Variants in SNTG1 observed in about 807,000 individuals in gnomAD.
The protein encoded by SNTG1 is gamma-1-syntrophin.
SNTG1 carries 39 observed loss-of-function variants against 74.7 expected under a neutral mutation model. That is an observed-to-expected ratio of 0.52 (90% confidence interval 0.40 to 0.68). The LOEUF (loss-of-function observed/expected upper bound fraction) is 0.68, where lower values mean the gene tolerates loss of function less well. SNTG1 is among the 30% of genes least tolerant of loss of function. The probability of loss-of-function intolerance (pLI) is 0.00; values close to 1 mark genes in which losing one functional copy is unlikely to be tolerated. For synonymous variants in SNTG1, 254 were observed against 217.1 expected (o/e 1.17, Z -1.49); for missense variants, 685 against 609.5 (o/e 1.12, Z -1.30).
At chr8:50,453,149 A>G (rs552953234) in intron 8 of SNTG1, among the ~76,000 whole-genome samples, 1 of 152,210 alleles carries the variant, frequency 6.6e-6, no homozygotes, top group African/African-American at 2.4e-5. Context: ...AGTCTTCAAA[A>G]GTGTAAATGT....
chr8:50,054,187 C>G (rs1819827977), intron 1 of SNTG1, among the ~76,000 whole-genome samples: 1 of 152,106 alleles, frequency 6.6e-6, no homozygotes, highest in Non-Finnish European at 1.5e-5. Flanking sequence ...TGGACTCCAA[C>G]TGTGACAACA....
At chr8:50,594,986 A>T (rs1184032450) in intron 13 of SNTG1, among the ~76,000 whole-genome samples, 2 of 151,232 alleles carry the variant, frequency 1.3e-5, no homozygotes, top group Non-Finnish European at 2.9e-5. Context: ...AATCAGTTGT[A>T]TATTTAATTC....
In SNTG1 at chr8:50,564,216, T is replaced by C. The variant is rs962025310; in HGVS notation, c.810+11037T>C. Among the ~76,000 whole-genome samples the C allele has an allele frequency of 3.9e-5, 6 of 152,036 alleles. 1 individual carries two copies. Among genetic ancestry groups the C allele is most frequent in the African/African-American group, 1.4e-4 (6 of 41,410 alleles). On this transcript the variant is annotated intron_variant, in intron 12 of 18. Transcript: ENST00000642720. ...TTGTCCTGGTCGCTGTCTCTGGATGTAGAAGCCCTTTAGAATAAGTAGAGT... is the reference window on the plus strand; with the variant it reads ...TTGTCCTGGTCGCTGTCTCTGGATGCAGAAGCCCTTTAGAATAAGTAGAGT...
At chr8:50,000,067 T>C (rs933606753) in intron 1 of SNTG1, among the ~76,000 whole-genome samples, 1 of 152,190 alleles carries the variant, frequency 6.6e-6, no homozygotes, top group Non-Finnish European at 1.5e-5. Flanking sequence ...AGAGAAAGTC[T>C]GTTCATTCAT....
At chr8:50,040,155 G>T (rs1201667453) in intron 1 of SNTG1, among the ~76,000 whole-genome samples, 1 of 152,160 alleles carries the variant, frequency 6.6e-6, no homozygotes, top group Non-Finnish European at 1.5e-5. Flanking sequence ...AAGCCCACCT[G>T]TGCTGCTCTG....
intron 13 of SNTG1, among the ~76,000 whole-genome samples, chr8:50,650,084 A>C (rs2095135451): frequency 6.6e-6 from 1 of 151,940 alleles, no homozygotes; most frequent in South Asian, 2.1e-4. Context: ...CCAAAGAATA[A>C]TTTAAATAAT....
At chr8:50,217,264 T>C (rs2084835256) in intron 2 of SNTG1, among the ~76,000 whole-genome samples, 1 of 152,070 alleles carries the variant, frequency 6.6e-6, no homozygotes, top group Admixed American at 6.6e-5. Flanking sequence ...TAAAATCTCA[T>C]GTAGGAAAAG....
At chr8:50,033,562 A>G (rs930646090) in intron 1 of SNTG1, among the ~76,000 whole-genome samples, 2 of 152,206 alleles carry the variant, frequency 1.3e-5, no homozygotes, top group African/African-American at 4.8e-5. Context: ...GGAGGCTACA[A>G]ATCCAAGACT....
intron 2 of SNTG1, chr8:50,381,863 T>G (rs2092493967): frequency 7.4e-6 from 1 of 134,288 alleles, no homozygotes. Context: ...TGAAGGGGAG[T>G]TTATTAAGTA....
intron 13 of SNTG1, among the ~76,000 whole-genome samples, chr8:50,618,973 C>G (rs2094903121): frequency 1.3e-5 from 2 of 151,922 alleles, no homozygotes; most frequent in Admixed American, 1.3e-4. Context: ...GATCACTGCC[C>G]AAGGACAATC....
chr8:50,386,010 G>A (rs775646720), intron 2 of SNTG1, among the ~76,000 whole-genome samples: 1 of 152,260 alleles, frequency 6.6e-6, no homozygotes, highest in Non-Finnish European at 1.5e-5. Flanking sequence ...GAGGAAAGTG[G>A]TATTGTTCTT....
At chr8:50,062,078 C>T (rs1417219411) in intron 1 of SNTG1, among the ~76,000 whole-genome samples, 3 of 152,224 alleles carry the variant, frequency 2.0e-5, no homozygotes, top group African/African-American at 7.2e-5. Context: ...GGGTCTCGTT[C>T]TGTTACCCAG....
intron 2 of SNTG1, among the ~76,000 whole-genome samples, chr8:50,195,448 C>A (rs1290813885): frequency 2.0e-5 from 3 of 152,130 alleles, no homozygotes; most frequent in Admixed American, 6.6e-5. Context: ...CCCTGGATTT[C>A]TGGCCAGGAG....
At chr8:49,994,887 TGTA>T (rs952273002) in intron 1 of SNTG1, among the ~76,000 whole-genome samples, 2 of 152,144 alleles carry the variant, frequency 1.3e-5, no homozygotes, top group Non-Finnish European at 2.9e-5. Context: ...GATCTTAAAA[TGTA>T]GTAAAGGACA....
At chr8:50,559,080 G>A (rs1449924492) in intron 12 of SNTG1, among the ~76,000 whole-genome samples, 4 of 152,160 alleles carry the variant, frequency 2.6e-5, no homozygotes, top group Admixed American at 2.6e-4. Context: ...CAGGTGGTGA[G>A]CAAAGTAAGG....
At chr8:49,990,965 T>A (rs1339896753) in intron 1 of SNTG1, among the ~76,000 whole-genome samples, 3 of 152,138 alleles carry the variant, frequency 2.0e-5, no homozygotes, top group African/African-American at 7.2e-5. Context: ...ATAAAAATCT[T>A]GTATTCTTCA....
At chr8:50,353,313 G>A (rs1182004098) in intron 2 of SNTG1, among the ~76,000 whole-genome samples, 1 of 151,634 alleles carries the variant, frequency 6.6e-6, no homozygotes. Flanking sequence ...TAAATGACGA[G>A]TTAATGGGTG....
intron 2 of SNTG1, among the ~76,000 whole-genome samples, chr8:50,208,576 T>G (rs528369990): frequency 6.6e-6 from 1 of 152,210 alleles, no homozygotes; most frequent in Admixed American, 6.5e-5. Context: ...GGTTAATATT[T>G]GTTATCTGTG....
intron 13 of SNTG1, among the ~76,000 whole-genome samples, chr8:50,655,364 C>T (rs963496347): frequency 6.6e-6 from 1 of 152,088 alleles, no homozygotes; most frequent in Non-Finnish European, 1.5e-5. Context: ...TATACCTGGC[C>T]ATATAAGCAA....
Sources: gnomAD v4.1 joint callset for allele counts (sites outside exome capture counted in the v4.1 genomes callset) on GRCh38, gnomAD v4.1.1 for gene constraint, MANE v1.5 for transcripts, NCBI Gene and HGNC (gene_info 2026-07-23, HGNC 2026-07-21) for gene names.